COL9A1: variants seen among roughly 807,000 people sequenced by gnomAD.
COL9A1 encodes collagen alpha-1(IX) chain.
COL9A1 carries 104 observed loss-of-function variants against 142.6 expected under a neutral mutation model. The ratio of observed to expected loss-of-function variants is 0.73; its 90% CI spans 0.62 to 0.86. The LOEUF is 0.86. COL9A1 is among the 40% of genes least tolerant of loss of function. The probability of loss-of-function intolerance (pLI) is 0.00; values close to 1 mark genes in which losing one functional copy is unlikely to be tolerated. For missense variants in COL9A1, 1,210 were observed against 1,176.6 expected (o/e 1.03, Z -0.42); for synonymous variants, 466 against 396.0 (o/e 1.18, Z -2.10).
intron 2 of COL9A1, among the ~76,000 whole-genome samples, chr6:70,301,715 C>T (rs781751251): frequency 1.7e-4 from 26 of 152,322 alleles, no homozygotes; most frequent in Middle Eastern, 3.4e-3. Context: ...TCCATGTATT[C>T]ACCCAACATT....
intron 37 of COL9A1, 125 bp downstream of exon 37, chr6:70,225,807 C>T (rs1769189385): frequency 1.3e-6 from 1 of 765,836 alleles, no homozygotes; most frequent in South Asian, 1.4e-5. Context: ...TCTATGCTAG[C>T]CATTCTGAAT....
chr6:70,218,343 G>A (rs754117076), intron 37 of COL9A1, among the ~76,000 whole-genome samples: 21 of 152,144 alleles, frequency 1.4e-4, no homozygotes, highest in Non-Finnish European at 2.1e-4. Flanking sequence ...TTTCTTGCTT[G>A]TCTTCCTTTT....
chr6:70,219,496 A>G (rs1246246396), intron 37 of COL9A1, among the ~76,000 whole-genome samples: 1 of 152,240 alleles, frequency 6.6e-6, no homozygotes, highest in African/African-American at 2.4e-5. Flanking sequence ...CTTCACAAAT[A>G]AAGTTTGCTG....
chr6:70,270,504 C>T lies in COL9A1; in HGVS notation c.1144-137G>A, dbSNP rs80099043. The T allele has an allele frequency of 3.2e-4, 183 of 578,000 alleles. 1 individual carries two copies. The East Asian group carries it at 3.6e-3, about 11-fold the overall frequency. 35.8% of individuals were successfully genotyped at this position (578,000 alleles called of 1,614,324 possible). The stretch of plus-strand genomic sequence containing the variant: ...CCATGCATAGACCTGCCACCAAAAT[C>T]GATGGGTGGCCCGTAATCCAATTAG... On this transcript the variant is annotated intron_variant, in intron 14 of 37. Coordinates refer to ENST00000357250, the MANE Select transcript of COL9A1 (RefSeq NM_001851.6).
chr6:70,255,679 C>T (rs192799695), intron 21 of COL9A1, among the ~76,000 whole-genome samples: 29 of 152,270 alleles, frequency 1.9e-4, no homozygotes, highest in African/African-American at 5.8e-4. Flanking sequence ...CAGTGGATTT[C>T]GACATCAGTA....
rs536634229 is a variant in COL9A1, at chr6:70,280,007, A to T, written c.975+805T>A. 12 of 699,942 alleles carry T rather than the reference A, an allele frequency of 1.7e-5. No homozygotes were observed. The South Asian group carries it at 1.7e-4, about 10-fold the overall frequency. The allele number at this position is 699,942 out of a possible 1,614,324, so 43.4% of individuals were successfully genotyped here. A position where few individuals can be genotyped will look rare whatever the true frequency, so the allele number is the denominator to read the frequency against. Reference sequence around the variant, plus strand: ...TCATATTCCAGGGACAAAATCAAGGACTGGTCTGTAGTGGGTCATTATTAC... The same window carrying T: ...TCATATTCCAGGGACAAAATCAAGGTCTGGTCTGTAGTGGGTCATTATTAC... On this transcript the variant is annotated intron_variant, in intron 10 of 37. Coordinates refer to ENST00000357250, the MANE Select transcript of COL9A1 (RefSeq NM_001851.6).
rs770301505 is a variant in COL9A1, at chr6:70,294,172, C to G, written c.691G>C (p.Val231Leu). 6.2e-7 allele frequency: 1 copy of G among 1,613,976 alleles called. No homozygotes were observed. The highest frequency in any genetic ancestry group is 8.5e-7 in the Non-Finnish European group (1 of 1,179,890). Residue 231 changes from valine (V) to leucine (L), a missense_variant, in exon 5 of 38, where the codon GTT becomes CTT. Val to Leu is a conservative substitution (Grantham distance 32). Transcript: ENST00000357250. ...GKLADNPQVS[V>L]PFELQWMLIH... is the part of the protein sequence containing the mutation. Reference sequence around the variant, plus strand: ...GTGTGTGGTTTTATACTTACTGGAACAGAAACTTGAGGATTATCTGCAAGT... The same window carrying G: ...GTGTGTGGTTTTATACTTACTGGAAGAGAAACTTGAGGATTATCTGCAAGT...
chr6:70,266,197 G>A (rs569446256), intron 18 of COL9A1, among the ~76,000 whole-genome samples: 4 of 152,216 alleles, frequency 2.6e-5, no homozygotes, highest in African/African-American at 4.8e-5. Context: ...AGATAATAAC[G>A]TAAGTTATTA....
intron 36 of COL9A1, among the ~76,000 whole-genome samples, chr6:70,227,526 G>T (rs1769310887): frequency 6.6e-6 from 1 of 150,616 alleles, no homozygotes; most frequent in Non-Finnish European, 1.5e-5. Context: ...TGTGGAATAT[G>T]CACTATTATG....
intron 28 of COL9A1, among the ~76,000 whole-genome samples, chr6:70,251,499 A>G (rs143184639): frequency 1.3e-5 from 2 of 152,338 alleles, no homozygotes; most frequent in East Asian, 3.9e-4. Context: ...GTGAGCTACG[A>G]TTGCGCCACT....
chr6:70,232,561 C>T, intron 36 of COL9A1, 22 bp downstream of exon 36: 1 of 1,612,690 alleles, frequency 6.2e-7, no homozygotes, highest in Non-Finnish European at 8.5e-7. Context: ...TTCTTTGGTT[C>T]CACATGGGCA....
intron 1 of COL9A1, 32 bp downstream of exon 1, chr6:70,302,879 C>T: frequency 6.2e-7 from 1 of 1,613,244 alleles, no homozygotes; most frequent in Non-Finnish European, 8.5e-7. Flanking sequence ...AGCTCCATCT[C>T]CCCACCACTC....
At chr6:70,233,437 A>G (rs1185265640) in intron 35 of COL9A1, among the ~76,000 whole-genome samples, 2 of 152,198 alleles carry the variant, frequency 1.3e-5, no homozygotes. Flanking sequence ...TTCAGGAACC[A>G]TTAAATAGAT....
chr6:70,275,657 C>A (rs1469857626), intron 10 of COL9A1, among the ~76,000 whole-genome samples: 3 of 152,024 alleles, frequency 2.0e-5, no homozygotes, highest in Admixed American at 2.0e-4. Flanking sequence ...AGATACATTT[C>A]TATTTTTAAT....
intron 5 of COL9A1, 71 bp from the exon 6 acceptor site, chr6:70,283,891 G>T (rs1773331786): frequency 2.9e-6 from 3 of 1,052,154 alleles, no homozygotes; most frequent in Admixed American, 4.0e-5. Context: ...AGAGAGAGAT[G>T]AGTTGCGTCT....
chr6:70,277,489 C>T (rs1426914127), intron 10 of COL9A1, among the ~76,000 whole-genome samples: 3 of 152,234 alleles, frequency 2.0e-5, no homozygotes, highest in South Asian at 4.1e-4. Context: ...AAGAAGAAAA[C>T]ATTACCAGAG....
intron 7 of COL9A1, among the ~76,000 whole-genome samples, chr6:70,282,143 A>C (rs977959251): frequency 1.3e-5 from 2 of 152,158 alleles, no homozygotes; most frequent in African/African-American, 4.8e-5. Flanking sequence ...ATGGTGCTAG[A>C]GGGAATGCTG....
rs1772203740 is a variant in COL9A1, at chr6:70,268,813, T to C, written c.1278A>G (p.Pro426=). ...PPGRSGYPGL[P]GMRGHKGAKG... is the part of the protein sequence containing the mutation. Reference sequence around the variant, plus strand: ...GAAGTTATTCTCTTACCCTCATGCCTGGTAGGCCTGGATATCCTGAGCGAC... The same window carrying C: ...GAAGTTATTCTCTTACCCTCATGCCCGGTAGGCCTGGATATCCTGAGCGAC... Residue 426 remains proline (P), a synonymous_variant, in exon 17 of 38, where the codon CCA becomes CCG. Coordinates refer to ENST00000357250, the MANE Select transcript of COL9A1 (RefSeq NM_001851.6). The C allele has an allele frequency of 1.2e-6, 2 of 1,613,752 alleles. No homozygotes were observed. The highest frequency in any genetic ancestry group is 2.2e-5 in the South Asian group (2 of 91,034).
At position 70,270,417 on chromosome 6, in the gene COL9A1, C is replaced by G. The variant is rs542750198; in HGVS notation, c.1144-50G>C. On this transcript the variant is annotated intron_variant, in intron 14 of 37. Coordinates refer to ENST00000357250, the MANE Select transcript of COL9A1 (RefSeq NM_001851.6). ...CAGTGGTTATACATGTGTCAAAACACAGTACATAAAACCAGTGAGGCATAA... is the reference window on the plus strand; with the variant it reads ...CAGTGGTTATACATGTGTCAAAACAGAGTACATAAAACCAGTGAGGCATAA... The G allele has an allele frequency of 1.0e-5, 16 of 1,553,046 alleles. No homozygotes were observed. The South Asian group carries it at 1.5e-4, about 14-fold the overall frequency.
Sources: allele counts gnomAD v4.1 joint callset (sites outside exome capture counted in the v4.1 genomes callset), GRCh38; gene constraint gnomAD v4.1.1; transcripts MANE v1.5; gene names NCBI Gene and HGNC (gene_info 2026-07-23, HGNC 2026-07-21).